Variants in CBLB observed in about 807,000 individuals in gnomAD.
The protein encoded by CBLB is Cbl proto-oncogene B.
In CBLB, 31 loss-of-function variants were observed where a neutral mutation model predicts 104.9. That is an observed-to-expected ratio of 0.30 (90% CI 0.22 to 0.40). The LOEUF is 0.40. CBLB is among the 10% of genes least tolerant of loss of function. CBLB has a pLI of 1.00. For missense variants in CBLB, 1,062 were observed against 1,214.6 expected, an observed-to-expected ratio of 0.87 and a Z score of 1.87; for synonymous variants, 440 against 422.6, an observed-to-expected ratio of 1.04 and a Z score of -0.51.
At chr3:105,672,991 A>G (rs147360267) in intron 17 of CBLB, 3 of 152,170 alleles carry the variant, frequency 2.0e-5, no homozygotes, top group Admixed American at 1.3e-4. Context: ...TAGGCAAAAA[A>G]CAAAACAAAA....
intron 7 of CBLB, among the ~76,000 whole-genome samples, chr3:105,739,871 G>A (rs907484941): frequency 1.1e-4 from 16 of 152,250 alleles, no homozygotes; most frequent in Middle Eastern, 3.4e-3. Flanking sequence ...TTGGGAGGCC[G>A]AGGCGGGTGG....
chr3:105,756,746 A>G (rs1297127747), intron 4 of CBLB, among the ~76,000 whole-genome samples: 1 of 152,226 alleles, frequency 6.6e-6, no homozygotes, highest in African/African-American at 2.4e-5. Context: ...AGATGGAACA[A>G]AACTAAAATT....
chr3:105,681,877 T>G, intron 14 of CBLB, 59 bp from the exon 15 acceptor site: 20 of 1,008,606 alleles, frequency 2.0e-5, no homozygotes, highest in Non-Finnish European at 2.8e-5. Context: ...TAAAAGTAAC[T>G]TGAGAGGTAG....
chr3:105,850,271 G>A (rs542447294), intron 3 of CBLB, among the ~76,000 whole-genome samples: 1 of 152,068 alleles, frequency 6.6e-6, no homozygotes, highest in African/African-American at 2.4e-5. Context: ...GTTTGAATTT[G>A]ATGGTTTTAC....
At chr3:105,834,787 A>G (rs2088182751) in intron 3 of CBLB, among the ~76,000 whole-genome samples, 2 of 152,242 alleles carry the variant, frequency 1.3e-5, no homozygotes, top group Admixed American at 6.5e-5. Flanking sequence ...TTAAACTCCG[A>G]CAATAAGAGC....
intron 3 of CBLB, among the ~76,000 whole-genome samples, chr3:105,818,566 A>C (rs556701814): frequency 6.6e-6 from 1 of 152,160 alleles, no homozygotes; most frequent in Non-Finnish European, 1.5e-5. Flanking sequence ...TTTACGTTAA[A>C]AACTCAAACT....
chr3:105,741,096 T>TGTG, intron 6 of CBLB, among the ~76,000 whole-genome samples: 1 of 3,312 alleles, frequency 3.0e-4, no homozygotes, highest in East Asian at 6.5e-3. Context: ...AAAATTAGGG[T>TGTG]TTTTTTTTTT....
chr3:105,734,166 G>A (rs1214255552), intron 8 of CBLB, 26 bp from the exon 9 acceptor site: 1 of 1,611,414 alleles, frequency 6.2e-7, no homozygotes, highest in Non-Finnish European at 8.5e-7. Flanking sequence ...GAGGGAGAAA[G>A]TAATGTTAAT....
At chr3:105,761,397 G>A (rs1367751189) in intron 4 of CBLB, among the ~76,000 whole-genome samples, 2 of 152,146 alleles carry the variant, frequency 1.3e-5, no homozygotes, top group Non-Finnish European at 2.9e-5. Flanking sequence ...ATCTTGAATT[G>A]TAGCTCCCAT....
intron 12 of CBLB, among the ~76,000 whole-genome samples, chr3:105,700,513 A>AG (rs1432546994): frequency 3.3e-5 from 5 of 152,020 alleles, no homozygotes; most frequent in Admixed American, 2.6e-4. Flanking sequence ...AATGAATGGC[A>AG]GGTCCTTCCA....
Position 105,848,518 on chromosome 3 carries a change from C to T in CBLB, c.419+4896G>A, listed in dbSNP as rs547989496. ...CTACTCATTCATCATTAACAATCAA[C>T]TAAAATTTTAAAAAGCAATCAGTTC... On this transcript the variant is annotated intron_variant, in intron 3 of 18. Coordinates refer to ENST00000394030, the MANE Select transcript of CBLB (RefSeq NM_170662.5). 2.0e-5 allele frequency among the ~76,000 whole-genome samples: 3 copies of T among 152,194 alleles called. No individual in the cohort carries two copies. In the East Asian group the frequency reaches 5.8e-4, roughly 29 times the overall value.
chr3:105,804,381 C>T (rs1473247090), intron 3 of CBLB, among the ~76,000 whole-genome samples: 3 of 151,854 alleles, frequency 2.0e-5, no homozygotes, highest in East Asian at 3.9e-4. Flanking sequence ...ACTGGCCAGG[C>T]GTGGTGGCAG....
intron 10 of CBLB, among the ~76,000 whole-genome samples, chr3:105,713,184 T>TTA (rs1422821287): frequency 6.6e-6 from 1 of 152,128 alleles, no homozygotes; most frequent in Non-Finnish European, 1.5e-5. Flanking sequence ...TAATGGCTTT[T>TTA]TATATATATG....
At position 105,737,581 on chromosome 3, in the gene CBLB, C is replaced by T. The variant is rs111467854; in HGVS notation, c.984-323G>A. ...GTCAATCATGTTGTATTCCAAAACA[C>T]TTTGAAGATATACCTATTTGCAACT... On this transcript the variant is annotated intron_variant, in intron 7 of 18. Coordinates refer to ENST00000394030, the MANE Select transcript of CBLB (RefSeq NM_170662.5). Among the ~76,000 whole-genome samples, 523 of 152,222 alleles carry T rather than the reference C, an allele frequency of 3.4e-3. 4 individuals carry two copies. The highest frequency in any genetic ancestry group is 0.012 in the African/African-American group (507 of 41,542).
At chr3:105,799,237 T>C (rs1219430605) in intron 3 of CBLB, among the ~76,000 whole-genome samples, 1 of 134,740 alleles carries the variant, frequency 7.4e-6, no homozygotes, top group African/African-American at 2.8e-5. Flanking sequence ...AGTAAAAACA[T>C]TAAGAGGGTA....
intron 10 of CBLB, among the ~76,000 whole-genome samples, chr3:105,706,545 A>G (rs2152796451): frequency 6.6e-6 from 1 of 152,316 alleles, no homozygotes; most frequent in South Asian, 2.1e-4. Context: ...TCCCAAAATC[A>G]TCATAGATCA....
At chr3:105,808,129 C>G (rs956813263) in intron 3 of CBLB, among the ~76,000 whole-genome samples, 1 of 152,068 alleles carries the variant, frequency 6.6e-6, no homozygotes, top group African/African-American at 2.4e-5. Flanking sequence ...TTCAACTGAG[C>G]CTTATAAAAC....
At chr3:105,699,604 T>C (rs113416863) in intron 12 of CBLB, among the ~76,000 whole-genome samples, 55 of 152,286 alleles carry the variant, frequency 3.6e-4, no homozygotes, top group African/African-American at 1.3e-3. Context: ...CAGTTGTTAG[T>C]TGAAGCCAAC....
intron 3 of CBLB, among the ~76,000 whole-genome samples, chr3:105,794,618 C>A (rs557445093): frequency 6.6e-6 from 1 of 152,280 alleles, no homozygotes; most frequent in East Asian, 1.9e-4. Context: ...AGTCTTTGAA[C>A]TACAAGTTCC....
Sources: allele counts gnomAD v4.1 joint callset (sites outside exome capture counted in the v4.1 genomes callset), GRCh38; gene constraint gnomAD v4.1.1; transcripts MANE v1.5; gene names NCBI Gene and HGNC (gene_info 2026-07-23, HGNC 2026-07-21).